PRELID2: variants seen among roughly 807,000 people sequenced by gnomAD.
PRELID2 encodes PRELI domain containing 2.
PRELID2 carries 25 observed loss-of-function variants against 28.4 expected under a neutral mutation model. The ratio of observed to expected loss-of-function variants is 0.88; its 90% confidence interval spans 0.64 to 1.23. PRELID2 has a LOEUF of 1.23. Among genes scored for constraint, PRELID2 ranks in the 50% most tolerant of loss-of-function variants. The pLI, the probability that PRELID2 is intolerant of heterozygous loss-of-function variation, is 0.00. For missense variants in PRELID2, 201 were observed against 214.4 expected, an observed-to-expected ratio of 0.94 and a Z score of 0.39; for synonymous variants, 76 against 71.6, an observed-to-expected ratio of 1.06 and a Z score of -0.31.
the PRELID2 span, among the ~76,000 whole-genome samples, chr5:145,439,683 C>T: frequency 2.6e-5 from 4 of 152,036 alleles, no homozygotes; most frequent in African/African-American, 9.7e-5. Flanking sequence ...CTATCCCTCA[C>T]TAAATCCTAC....
intron 1 of PRELID2, among the ~76,000 whole-genome samples, chr5:145,554,158 T>A (rs1427234586): frequency 6.6e-6 from 1 of 151,906 alleles, no homozygotes; most frequent in East Asian, 1.9e-4. Context: ...TAGATGAGAA[T>A]CAACTACAAA....
chr5:145,520,782 G>A (rs1339282016), intron 1 of PRELID2, among the ~76,000 whole-genome samples: 2 of 152,118 alleles, frequency 1.3e-5, no homozygotes, highest in Non-Finnish European at 2.9e-5. Flanking sequence ...AGGATTGCCT[G>A]TTTTCATATT....
chr5:145,321,654 G>T, the PRELID2 span, among the ~76,000 whole-genome samples: 1 of 152,090 alleles, frequency 6.6e-6, no homozygotes, highest in Non-Finnish European at 1.5e-5. Flanking sequence ...ACTGACGTTT[G>T]GATATTGATT....
chr5:145,769,194 A>T (rs1757955440), intron 5 of PRELID2, among the ~76,000 whole-genome samples: 1 of 152,222 alleles, frequency 6.6e-6, no homozygotes, highest in Non-Finnish European at 1.5e-5. Flanking sequence ...GACAAACCAT[A>T]AACCAGCTTG....
chr5:145,395,405 G>C, the PRELID2 span, among the ~76,000 whole-genome samples: 3 of 152,162 alleles, frequency 2.0e-5, no homozygotes, highest in East Asian at 5.8e-4. Context: ...AGGAATTTCG[G>C]CTCTATCCCA....
At chr5:145,747,397 C>A (rs1757020243) in intron 1 of PRELID2, among the ~76,000 whole-genome samples, 1 of 152,136 alleles carries the variant, frequency 6.6e-6, no homozygotes, top group Non-Finnish European at 1.5e-5. Flanking sequence ...ACTAAAAACA[C>A]CTCTATGCAA....
At chr5:145,717,122 C>A (rs1268612036) in intron 1 of PRELID2, among the ~76,000 whole-genome samples, 1 of 152,102 alleles carries the variant, frequency 6.6e-6, no homozygotes, top group Non-Finnish European at 1.5e-5. Flanking sequence ...ATTATGATCC[C>A]ATTAATGCTT....
intron 5 of PRELID2, among the ~76,000 whole-genome samples, chr5:145,786,970 T>C (rs1300371276): frequency 6.6e-6 from 1 of 152,216 alleles, no homozygotes; most frequent in Non-Finnish European, 1.5e-5. Context: ...GCCCGCATTG[T>C]TTCAGTGACA....
rs575511573 is a variant in PRELID2 at position 145,772,164 on chromosome 5, T to C, written c.475-7164A>G. Among the ~76,000 whole-genome samples, 4 of 152,124 alleles carry C rather than the reference T, an allele frequency of 2.6e-5. No homozygotes were observed. In the East Asian group the frequency reaches 7.7e-4, roughly 29 times the overall value. On this transcript the variant is annotated intron_variant, in intron 5 of 6. Transcript: ENST00000683046. Reference sequence around the variant, plus strand: ...CATACAGTGTGCCAAGCACTTTGCCTGCAATCACTTATTTTACCCTCCCAT... The same window carrying C: ...CATACAGTGTGCCAAGCACTTTGCCCGCAATCACTTATTTTACCCTCCCAT...
chr5:145,491,917 T>C (rs1318203389), intron 1 of PRELID2, among the ~76,000 whole-genome samples: 1 of 152,216 alleles, frequency 6.6e-6, no homozygotes, highest in African/African-American at 2.4e-5. Flanking sequence ...TTTGTATATA[T>C]ACCACATTCC....
At chr5:145,479,720 T>C (rs1387095680) in intron 1 of PRELID2, among the ~76,000 whole-genome samples, 2 of 152,220 alleles carry the variant, frequency 1.3e-5, no homozygotes, top group African/African-American at 4.8e-5. Flanking sequence ...TCTTTTGCCT[T>C]CCAGAAACAG....
chr5:145,312,867 A>G, the PRELID2 span, among the ~76,000 whole-genome samples: 1 of 152,120 alleles, frequency 6.6e-6, no homozygotes, highest in African/African-American at 2.4e-5. Context: ...TCTTCTAGCT[A>G]TATATACAGA....
intron 1 of PRELID2, among the ~76,000 whole-genome samples, chr5:145,515,014 G>C (rs1752504037): frequency 6.6e-6 from 1 of 152,146 alleles, no homozygotes; most frequent in Non-Finnish European, 1.5e-5. Context: ...GCAGTGTTTA[G>C]AGGGAAATTT....
chr5:145,761,311 A>C (rs1434946248), intron 6 of PRELID2, among the ~76,000 whole-genome samples: 2 of 152,192 alleles, frequency 1.3e-5, no homozygotes, highest in Non-Finnish European at 2.9e-5. Context: ...AAATGCCTAT[A>C]TGTCTACTCC....
the PRELID2 span, among the ~76,000 whole-genome samples, chr5:145,388,646 C>A: frequency 6.6e-6 from 1 of 152,100 alleles, no homozygotes; most frequent in Admixed American, 6.6e-5. Context: ...AGCACATTGG[C>A]TTTTTTCTGT....
At chr5:145,684,954 A>G (rs1313144597) in intron 1 of PRELID2, among the ~76,000 whole-genome samples, 1 of 152,200 alleles carries the variant, frequency 6.6e-6, no homozygotes, top group Non-Finnish European at 1.5e-5. Context: ...GGGGTATAAG[A>G]CAGATATGAA....
intron 1 of PRELID2, among the ~76,000 whole-genome samples, chr5:145,827,359 G>A (rs920171589): frequency 1.3e-5 from 2 of 152,172 alleles, no homozygotes; most frequent in Non-Finnish European, 2.9e-5. Context: ...AAATTTCAAT[G>A]ATCAAGGACA....
chr5:145,793,269 T>C (rs1752513588), intron 5 of PRELID2, among the ~76,000 whole-genome samples: 1 of 152,206 alleles, frequency 6.6e-6, no homozygotes, highest in Non-Finnish European at 1.5e-5. Context: ...GCTTTTAATT[T>C]ACAAACATAA....
intron 1 of PRELID2, among the ~76,000 whole-genome samples, chr5:145,705,797 T>C (rs947408962): frequency 2.0e-5 from 3 of 152,172 alleles, no homozygotes; most frequent in Admixed American, 2.0e-4. Context: ...TTTATGAACA[T>C]TGAAATGTGA....
Sources: gnomAD v4.1 joint callset for allele counts (sites outside exome capture counted in the v4.1 genomes callset) on GRCh38, gnomAD v4.1.1 for gene constraint, MANE v1.5 for transcripts, NCBI Gene and HGNC (gene_info 2026-07-23, HGNC 2026-07-21) for gene names.